The following LRTM3 variants were observed in gnomAD, a reference collection of about 807,000 sequenced individuals.
LRTM3 encodes the protein leucine rich repeat transmembrane protein 3.
At chr13:102,757,027 C>T in the LRTM3 span, among the ~76,000 whole-genome samples, 1 of 152,214 alleles carries the variant, frequency 6.6e-6, no homozygotes, top group Non-Finnish European at 1.5e-5. Context: ...TGTTAATCCT[C>T]TGGTTTTGAA....
chr13:102,745,764 C>T, the LRTM3 span: 1 of 1,551,178 alleles, frequency 6.4e-7, no homozygotes, highest in Non-Finnish European at 8.7e-7. Context: ...AATATGATTT[C>T]ATCAACCTTT....
chr13:102,748,041 C>T, the LRTM3 span: 11 of 1,551,074 alleles, frequency 7.1e-6, no homozygotes, highest in East Asian at 2.4e-5. Context: ...GTTTCCTTCT[C>T]ATCTGGTAAT....
At chr13:102,745,876 TG>T in the LRTM3 span, 3 of 1,551,066 alleles carry the variant, frequency 1.9e-6, no homozygotes, top group Admixed American at 2.0e-5. Context: ...AAATAGTTTG[TG>T]TAAAATGTGT....
the LRTM3 span, chr13:102,731,440 A>G: frequency 1.3e-6 from 2 of 1,551,488 alleles, no homozygotes; most frequent in Non-Finnish European, 1.7e-6. Flanking sequence ...TTGACTCTAA[A>G]TGACTAGTAA....
At chr13:102,751,237 TG>T in the LRTM3 span, among the ~76,000 whole-genome samples, 409 of 152,164 alleles carry the variant, frequency 2.7e-3, 3 homozygotes, top group African/African-American at 9.4e-3. Flanking sequence ...GAGGAAATTC[TG>T]TCAGCAGACA....
At chr13:102,758,114 A>C in the LRTM3 span, among the ~76,000 whole-genome samples, 1 of 152,188 alleles carries the variant, frequency 6.6e-6, no homozygotes, top group Middle Eastern at 3.2e-3. Context: ...AAATATAAGA[A>C]CTGGTGTGTT....
At chr13:102,752,924 C>T in the LRTM3 span, among the ~76,000 whole-genome samples, 2 of 152,120 alleles carry the variant, frequency 1.3e-5, no homozygotes, top group Non-Finnish European at 1.5e-5. Context: ...GAGTGGGGCC[C>T]TAATCCAATA....
chr13:102,737,333 A>G, the LRTM3 span: 1 of 1,550,968 alleles, frequency 6.4e-7, no homozygotes, highest in East Asian at 2.4e-5. Context: ...TATTCCTTGT[A>G]AGTCTTCCTC....
the LRTM3 span, chr13:102,738,802 T>G: frequency 6.5e-7 from 1 of 1,550,304 alleles, no homozygotes; most frequent in Non-Finnish European, 8.7e-7. Flanking sequence ...AAATCTCAAC[T>G]TCTTTATCTT....
the LRTM3 span, chr13:102,746,859 C>G: frequency 6.4e-7 from 1 of 1,551,324 alleles, no homozygotes; most frequent in Non-Finnish European, 8.7e-7. Context: ...GAAGGCGTCT[C>G]TGAATCTGCA....
the LRTM3 span, chr13:102,748,567 G>A: frequency 6.4e-7 from 1 of 1,550,670 alleles, no homozygotes. Context: ...TCATTCTATT[G>A]TTCGATTCCA....
chr13:102,734,353 A>G, the LRTM3 span: 8 of 1,551,256 alleles, frequency 5.2e-6, 2 homozygotes, highest in South Asian at 8.3e-5. Flanking sequence ...GCCTTTCTTC[A>G]TCTGCATGCG....
the LRTM3 span, chr13:102,731,508 G>A: frequency 6.4e-7 from 1 of 1,551,376 alleles, no homozygotes; most frequent in Non-Finnish European, 8.7e-7. Flanking sequence ...TGCGTTTTGG[G>A]ATATATTGCT....
the LRTM3 span, chr13:102,749,098 C>T: frequency 1.3e-6 from 2 of 1,549,186 alleles, no homozygotes; most frequent in Non-Finnish European, 1.7e-6. Flanking sequence ...ATATATCTTT[C>T]CTTTCATGTA....
At chr13:102,733,024 T>C in the LRTM3 span, 1 of 1,551,460 alleles carries the variant, frequency 6.4e-7, no homozygotes, top group South Asian at 1.2e-5. Context: ...GGTCAATCTC[T>C]GTCATATCCA....
the LRTM3 span, chr13:102,733,694 G>A: frequency 6.4e-7 from 1 of 1,551,204 alleles, no homozygotes; most frequent in Non-Finnish European, 8.7e-7. Context: ...ACTTCTTATG[G>A]TACCAAACCC....
chr13:102,741,941 T>C, the LRTM3 span: 1 of 1,550,570 alleles, frequency 6.4e-7, no homozygotes. Context: ...GTGTTTTTGT[T>C]CCTTTTCTCT....
At chr13:102,755,927 G>GTATA in the LRTM3 span, among the ~76,000 whole-genome samples, 287 of 111,716 alleles carry the variant, frequency 2.6e-3, 3 homozygotes, top group East Asian at 0.028. Context: ...GTGTGTGTGT[G>GTATA]TGTGTATATA....
chr13:102,735,834 A>G, the LRTM3 span: 320 of 1,541,600 alleles, frequency 2.1e-4, 2 homozygotes, highest in Middle Eastern at 1.5e-3. Context: ...CTAGTGTCAC[A>G]ATTCAGGTAA....
Sources: gnomAD v4.1 joint callset for allele counts (sites outside exome capture counted in the v4.1 genomes callset) on GRCh38, gnomAD v4.1.1 for gene constraint, MANE v1.5 for transcripts, NCBI Gene and HGNC (gene_info 2026-07-23, HGNC 2026-07-21) for gene names.